The following KCNH7 variants were observed in gnomAD, a reference collection of about 807,000 sequenced individuals.
KCNH7 encodes voltage-gated inwardly rectifying potassium channel KCNH7.
A neutral mutation model predicts 120.8 loss-of-function variants in KCNH7; 49 were observed. That is an observed-to-expected ratio of 0.41 (90% CI 0.32 to 0.51). The LOEUF is 0.51. Among genes scored for constraint, KCNH7 ranks in the 20% least tolerant of loss-of-function variants. KCNH7 has a pLI of 0.38. For synonymous variants in KCNH7, 547 were observed against 516.1 expected, an observed-to-expected ratio of 1.06 and a Z score of -0.81; for missense variants, 1,097 against 1,446.6, an observed-to-expected ratio of 0.76 and a Z score of 3.92.
intron 2 of KCNH7, among the ~76,000 whole-genome samples, chr2:162,786,332 T>C (rs901853394): frequency 6.6e-6 from 1 of 151,128 alleles, no homozygotes; most frequent in Non-Finnish European, 1.5e-5. Flanking sequence ...GAGCTTGACC[T>C]ATGTCAACCC....
chr2:162,691,119 T>C (rs1686087261), intron 2 of KCNH7, among the ~76,000 whole-genome samples: 1 of 152,092 alleles, frequency 6.6e-6, no homozygotes, highest in South Asian at 2.1e-4. Flanking sequence ...CAGACATCTC[T>C]CCAAACAGGT....
chr2:162,609,016 C>G (rs1455193841), intron 2 of KCNH7, among the ~76,000 whole-genome samples: 1 of 152,088 alleles, frequency 6.6e-6, no homozygotes, highest in East Asian at 1.9e-4. Flanking sequence ...TTGATAATGG[C>G]TCTACCAAAC....
chr2:162,714,220 C>T (rs1427410647), intron 2 of KCNH7, among the ~76,000 whole-genome samples: 13 of 152,112 alleles, frequency 8.5e-5, no homozygotes, highest in Admixed American at 8.5e-4. Context: ...GTTTTTGTTG[C>T]CTCTGACAGG....
chr2:162,647,281 T>C (rs1053611014), intron 2 of KCNH7, among the ~76,000 whole-genome samples: 1 of 152,142 alleles, frequency 6.6e-6, no homozygotes, highest in Non-Finnish European at 1.5e-5. Flanking sequence ...TTTTGTGTGT[T>C]GGTGTGTATG....
At chr2:162,702,044 T>A (rs896327786) in intron 2 of KCNH7, among the ~76,000 whole-genome samples, 1 of 151,774 alleles carries the variant, frequency 6.6e-6, no homozygotes, top group African/African-American at 2.4e-5. Context: ...ATGTTGGTGC[T>A]CAGGTGCTCA....
chr2:162,504,673 G>C lies in KCNH7; in HGVS notation c.914-16C>G. ...TTAAAAGGCCCTAAAAAAATGGAAA[G>C]TATTTGTAAGAGTAATATAAGAAGA... On this transcript the variant is annotated splice_polypyrimidine_tract_variant and intron_variant, in intron 5 of 15. Transcript: ENST00000332142. 1 of 1,494,802 alleles carries C rather than the reference G, an allele frequency of 6.7e-7. No homozygotes were observed. The allele number at this position is 1,494,802 out of a possible 1,614,324, so 92.6% of individuals were successfully genotyped here. A position where few individuals can be genotyped will look rare whatever the true frequency, so the allele number is the denominator to read the frequency against.
chr2:162,635,812 A>G (rs1227965487), intron 2 of KCNH7, among the ~76,000 whole-genome samples: 1 of 152,086 alleles, frequency 6.6e-6, no homozygotes. Flanking sequence ...GAAGCTGCTG[A>G]AAACCCTGTT....
intron 8 of KCNH7, among the ~76,000 whole-genome samples, chr2:162,427,515 T>G (rs1406960508): frequency 6.6e-6 from 1 of 151,994 alleles, no homozygotes; most frequent in African/African-American, 2.4e-5. Context: ...TGAACTGTCT[T>G]TTCAAATACT....
chr2:162,720,111 C>A (rs1168966197), intron 2 of KCNH7, among the ~76,000 whole-genome samples: 1 of 151,780 alleles, frequency 6.6e-6, no homozygotes, highest in African/African-American at 2.4e-5. Flanking sequence ...ATGCTGAATC[C>A]AACTGGATTT....
intron 9 of KCNH7, among the ~76,000 whole-genome samples, chr2:162,405,990 T>A (rs1190284786): frequency 1.3e-5 from 2 of 151,996 alleles, no homozygotes; most frequent in Admixed American, 6.6e-5. Context: ...TAGATATTCA[T>A]CTACTTAATC....
At chr2:162,373,693 G>A in intron 14 of KCNH7, 31 bp from the exon 15 acceptor site, 1 of 1,364,328 alleles carries the variant, frequency 7.3e-7, no homozygotes, top group Non-Finnish European at 9.6e-7. Flanking sequence ...GGAAAAGACA[G>A]TCTAAAATAG....
chr2:162,685,188 G>A (rs538365726), intron 2 of KCNH7, among the ~76,000 whole-genome samples: 1 of 145,274 alleles, frequency 6.9e-6, no homozygotes, highest in Non-Finnish European at 1.5e-5. Flanking sequence ...ACACACCGGG[G>A]CCTGTTGGGG....
At chr2:162,407,810 T>C (rs1687271826) in intron 9 of KCNH7, among the ~76,000 whole-genome samples, 1 of 151,994 alleles carries the variant, frequency 6.6e-6, no homozygotes. Flanking sequence ...TGATTGTAGA[T>C]GACCTTAGCT....
chr2:162,611,386 T>C (rs1451432998), intron 2 of KCNH7, among the ~76,000 whole-genome samples: 1 of 152,174 alleles, frequency 6.6e-6, no homozygotes, highest in Non-Finnish European at 1.5e-5. Flanking sequence ...CCTCTAGACT[T>C]TGACTTTTGC....
chr2:162,537,403 A>G (rs1692146618), intron 2 of KCNH7, among the ~76,000 whole-genome samples: 1 of 152,042 alleles, frequency 6.6e-6, no homozygotes, highest in Non-Finnish European at 1.5e-5. Flanking sequence ...TCTAGAAATA[A>G]TTCTTACCAT....
At chr2:162,725,501 C>CT (rs1257499916) in intron 2 of KCNH7, among the ~76,000 whole-genome samples, 1 of 152,114 alleles carries the variant, frequency 6.6e-6, no homozygotes, top group Admixed American at 6.5e-5. Flanking sequence ...TTCATGCAGT[C>CT]TTTTTACCAA....
intron 2 of KCNH7, among the ~76,000 whole-genome samples, chr2:162,793,507 T>G (rs1214989359): frequency 6.6e-6 from 1 of 151,848 alleles, no homozygotes; most frequent in Non-Finnish European, 1.5e-5. Flanking sequence ...TAAACAAAAT[T>G]TAGAAATAAA....
chr2:162,827,385 A>C (rs1009499883), intron 2 of KCNH7, among the ~76,000 whole-genome samples: 1 of 152,080 alleles, frequency 6.6e-6, no homozygotes, highest in Admixed American at 6.6e-5. Flanking sequence ...CTTAACCAAA[A>C]ATGCCCCCAA....
chr2:162,410,659 A>G (rs1375935874), intron 9 of KCNH7, among the ~76,000 whole-genome samples: 8 of 152,022 alleles, frequency 5.3e-5, no homozygotes, highest in Admixed American at 2.0e-4. Flanking sequence ...GAGTAAACAG[A>G]AAACCTACAG....
Sources: gnomAD v4.1 joint callset for allele counts (sites outside exome capture counted in the v4.1 genomes callset) on GRCh38, gnomAD v4.1.1 for gene constraint, MANE v1.5 for transcripts, NCBI Gene and HGNC (gene_info 2026-07-23, HGNC 2026-07-21) for gene names.